The following NAALADL2 variants were observed in gnomAD, a reference collection of about 807,000 sequenced individuals.
NAALADL2 encodes the protein inactive N-acetylated-alpha-linked acidic dipeptidase-like protein 2.
A neutral mutation model predicts 87.2 loss-of-function variants in NAALADL2; 76 were observed. That is an observed-to-expected ratio of 0.87 (90% CI 0.72 to 1.05). The LOEUF (loss-of-function observed/expected upper bound fraction) is 1.05, where lower values mean the gene tolerates loss of function less well. Among genes scored for constraint, NAALADL2 ranks in the 50% least tolerant of loss-of-function variants. NAALADL2 has a pLI of 0.00. For missense variants in NAALADL2, 1,089 were observed against 945.8 expected, an observed-to-expected ratio of 1.15 and a Z score of -1.99; for synonymous variants, 354 against 331.0, an observed-to-expected ratio of 1.07 and a Z score of -0.75.
At chr3:175,229,154 C>T (rs1384604627) in intron 2 of NAALADL2, among the ~76,000 whole-genome samples, 1 of 151,738 alleles carries the variant, frequency 6.6e-6, no homozygotes, top group Non-Finnish European at 1.5e-5. Context: ...TGGATATCTA[C>T]TATCACACAT....
chr3:174,757,207 C>T (rs1486675619), intron 3 of NAALADL2, among the ~76,000 whole-genome samples: 1 of 152,188 alleles, frequency 6.6e-6, no homozygotes. Flanking sequence ...CTTATGTACT[C>T]ATGTCCAGAG....
At chr3:174,442,179 C>G (rs1482787776) in intron 1 of NAALADL2, among the ~76,000 whole-genome samples, 2 of 152,122 alleles carry the variant, frequency 1.3e-5, no homozygotes, top group Non-Finnish European at 2.9e-5. Context: ...TTCCTGTCCT[C>G]AGGAGAAGGG....
chr3:175,558,212 A>AG (rs1715652741), intron 9 of NAALADL2, among the ~76,000 whole-genome samples: 1 of 151,342 alleles, frequency 6.6e-6, no homozygotes, highest in African/African-American at 2.4e-5. Flanking sequence ...AAAAAAAAAA[A>AG]AAAAAGAAAG....
At chr3:175,428,438 C>G (rs1717190666) in intron 5 of NAALADL2, among the ~76,000 whole-genome samples, 1 of 152,052 alleles carries the variant, frequency 6.6e-6, no homozygotes, top group Non-Finnish European at 1.5e-5. Context: ...GTCCAGCAGA[C>G]AGGACATTTT....
chr3:175,640,422 A>G (rs1226947438), intron 11 of NAALADL2, among the ~76,000 whole-genome samples: 1 of 152,140 alleles, frequency 6.6e-6, no homozygotes, highest in African/African-American at 2.4e-5. Flanking sequence ...ACTAATATTT[A>G]TTGATGATAT....
rs376895294 is a variant in NAALADL2 at position 175,803,039 on chromosome 3, C to T, written c.2224C>T (p.Arg742Trp). ...ILYHLDEKTS[R>W]FSILIEAWEH... ...CTACCACCTTGATGAAAAGACAAGC[C>T]GGTTTTCAATACTTATAGAGGCTTG... The change falls in exon 14 of 14, where the codon CGG (arginine) becomes TGG (tryptophan). Residue 742 changes from arginine (R) to tryptophan (W), a missense_variant. Transcript: ENST00000454872. The T allele has an allele frequency of 7.3e-5, 118 of 1,611,872 alleles. No individual in the cohort carries two copies. The highest frequency in any genetic ancestry group is 1.8e-4 in the South Asian group (16 of 90,996).
At chr3:175,468,545 A>T (rs1205537016) in intron 8 of NAALADL2, among the ~76,000 whole-genome samples, 1 of 152,100 alleles carries the variant, frequency 6.6e-6, no homozygotes, top group Admixed American at 6.6e-5. Flanking sequence ...ACAGTAAAGC[A>T]CATATCTTTA....
chr3:174,556,444 C>CTTT (rs554616964), intron 2 of NAALADL2, among the ~76,000 whole-genome samples: 1 of 149,736 alleles, frequency 6.7e-6, no homozygotes, highest in Non-Finnish European at 1.5e-5. Flanking sequence ...AAAGAGGTAA[C>CTTT]TTTTTTTTTT....
At chr3:174,723,674 T>A (rs1731912431) in intron 2 of NAALADL2, among the ~76,000 whole-genome samples, 1 of 134,120 alleles carries the variant, frequency 7.5e-6, no homozygotes, top group Non-Finnish European at 1.5e-5. Context: ...GAGAATGGCG[T>A]GAAACTGGGA....
intron 13 of NAALADL2, among the ~76,000 whole-genome samples, chr3:175,771,133 T>G (rs1191537024): frequency 6.6e-6 from 1 of 152,178 alleles, no homozygotes; most frequent in African/African-American, 2.4e-5. Flanking sequence ...TCAGAAAATG[T>G]TTGCCCTTTT....
chr3:175,665,750 G>T (rs1444504855), intron 11 of NAALADL2, among the ~76,000 whole-genome samples: 2 of 152,162 alleles, frequency 1.3e-5, no homozygotes, highest in African/African-American at 4.8e-5. Context: ...GGCCAACATG[G>T]TGAAACCCCT....
chr3:174,986,129 A>G (rs1046668174), intron 1 of NAALADL2, among the ~76,000 whole-genome samples: 4 of 151,686 alleles, frequency 2.6e-5, no homozygotes, highest in African/African-American at 7.3e-5. Flanking sequence ...ATATATCAAC[A>G]TTAGCAATCA....
intron 2 of NAALADL2, among the ~76,000 whole-genome samples, chr3:174,655,290 C>A (rs886678913): frequency 1.3e-5 from 2 of 150,674 alleles, no homozygotes; most frequent in South Asian, 4.2e-4. Flanking sequence ...AAGCCACCAC[C>A]GTAAACTAGA....
At chr3:174,543,367 A>G (rs970289617) in intron 1 of NAALADL2, among the ~76,000 whole-genome samples, 1 of 152,146 alleles carries the variant, frequency 6.6e-6, no homozygotes, top group Admixed American at 6.5e-5. Context: ...ATTAAGCTAT[A>G]TTTCACTGAT....
At chr3:175,759,134 C>T (rs548999655) in intron 13 of NAALADL2, among the ~76,000 whole-genome samples, 66 of 152,230 alleles carry the variant, frequency 4.3e-4, no homozygotes, top group African/African-American at 1.4e-3. Context: ...CCTCATTGAA[C>T]GCTGCTCTGT....
chr3:175,025,184 G>A (rs1053120617), intron 1 of NAALADL2, among the ~76,000 whole-genome samples: 2 of 151,946 alleles, frequency 1.3e-5, no homozygotes, highest in African/African-American at 2.4e-5. Flanking sequence ...AACAATGTGT[G>A]AACTAAAGTC....
At chr3:175,200,889 C>G (rs377607670) in intron 2 of NAALADL2, among the ~76,000 whole-genome samples, 4 of 152,102 alleles carry the variant, frequency 2.6e-5, no homozygotes, top group Admixed American at 2.6e-4. Context: ...TTATCATGAC[C>G]TCTTCAACTT....
chr3:174,444,905 T>G (rs1714927858), intron 1 of NAALADL2, among the ~76,000 whole-genome samples: 1 of 152,106 alleles, frequency 6.6e-6, no homozygotes, highest in Non-Finnish European at 1.5e-5. Context: ...ATTGGCAACA[T>G]AGGTTGTAGA....
At chr3:175,633,036 A>G (rs1260876213) in intron 11 of NAALADL2, among the ~76,000 whole-genome samples, 1 of 152,118 alleles carries the variant, frequency 6.6e-6, no homozygotes, top group Non-Finnish European at 1.5e-5. Context: ...TACCTTAGCA[A>G]CACTGGTCCA....
Sources: gnomAD v4.1 joint callset for allele counts (sites outside exome capture counted in the v4.1 genomes callset) on GRCh38, gnomAD v4.1.1 for gene constraint, MANE v1.5 for transcripts, NCBI Gene and HGNC (gene_info 2026-07-23, HGNC 2026-07-21) for gene names.